DNAH14: variants seen among roughly 807,000 people sequenced by gnomAD.
The protein encoded by DNAH14 is dynein axonemal heavy chain 14, also known as axonemal beta dynein heavy chain 14.
A neutral mutation model predicts 520.9 loss-of-function variants in DNAH14; 478 were observed. The ratio of observed to expected loss-of-function variants is 0.92; its 90% CI spans 0.85 to 0.99. The LOEUF (loss-of-function observed/expected upper bound fraction) is 0.99. DNAH14 is among the 50% of genes least tolerant of loss of function. The pLI, the probability that DNAH14 is intolerant of heterozygous loss-of-function variation, is 0.00. For missense variants in DNAH14, 4,831 were observed against 5,234.5 expected, an observed-to-expected ratio of 0.92 and a Z score of 2.38; for synonymous variants, 1,581 against 1,757.2, an observed-to-expected ratio of 0.90 and a Z score of 2.51.
At chr1:225,163,810 G>A (rs551153258) in intron 35 of DNAH14, among the ~76,000 whole-genome samples, 2 of 152,108 alleles carry the variant, frequency 1.3e-5, no homozygotes, top group Admixed American at 1.3e-4. Context: ...TTGGCCTATA[G>A]TCTTCTTTTT....
chr1:225,318,800 G>A, intron 61 of DNAH14, 123 bp downstream of exon 61: 1 of 968,050 alleles, frequency 1.0e-6, no homozygotes, highest in Non-Finnish European at 1.5e-6. Context: ...CTTAATCTTG[G>A]TTTAAGATTT....
In DNAH14 at chr1:224,976,545, C is replaced by T. The variant is rs1203876924; in HGVS notation, c.830+2392C>T. Among the ~76,000 whole-genome samples, 3 of 152,216 alleles carry T rather than the reference C, an allele frequency of 2.0e-5. No homozygotes were observed. The South Asian group carries it at 6.2e-4, about 32-fold the overall frequency. ...CAAAAGAAACTACCATCAAAGTGAACAGGCAACCTACAAAATGGGAGAAAA... is the reference window on the plus strand; with the variant it reads ...CAAAAGAAACTACCATCAAAGTGAATAGGCAACCTACAAAATGGGAGAAAA... On this transcript the variant is annotated intron_variant, in intron 8 of 85. Transcript: ENST00000682510.
intron 17 of DNAH14, among the ~76,000 whole-genome samples, chr1:225,074,818 C>G (rs1037937190): frequency 6.6e-6 from 1 of 152,208 alleles, no homozygotes; most frequent in Non-Finnish European, 1.5e-5. Context: ...CCTGCCCCTC[C>G]TTCCAAGAGC....
At chr1:225,075,443 C>A (rs187838467) in intron 17 of DNAH14, among the ~76,000 whole-genome samples, 1 of 152,222 alleles carries the variant, frequency 6.6e-6, no homozygotes, top group African/African-American at 2.4e-5. Flanking sequence ...CTTGGCCACT[C>A]CCTCCAAATT....
intron 42 of DNAH14, among the ~76,000 whole-genome samples, chr1:225,234,199 T>TAAA (rs1224070175): frequency 6.6e-6 from 1 of 152,150 alleles, no homozygotes; most frequent in Admixed American, 6.5e-5. Flanking sequence ...AGCCTTGTAG[T>TAAA]ATAGTTTGAA....
intron 27 of DNAH14, among the ~76,000 whole-genome samples, chr1:225,139,746 G>A (rs575801836): frequency 6.6e-6 from 1 of 152,316 alleles, no homozygotes; most frequent in East Asian, 1.9e-4. Flanking sequence ...CCACCTGTTG[G>A]ATGTTCTCTC....
At chr1:225,352,017 G>A (rs2095371638) in intron 72 of DNAH14, 134 bp downstream of exon 72, 3 of 666,866 alleles carry the variant, frequency 4.5e-6, no homozygotes, top group East Asian at 5.5e-5. Context: ...TTTTCAGCAT[G>A]CACATGTTAT....
intron 73 of DNAH14, among the ~76,000 whole-genome samples, chr1:225,355,969 G>T (rs1008698392): frequency 6.6e-6 from 1 of 152,032 alleles, no homozygotes; most frequent in Non-Finnish European, 1.5e-5. Flanking sequence ...CTTATGTCTG[G>T]CTTATTTCAC....
intron 17 of DNAH14, among the ~76,000 whole-genome samples, chr1:225,071,394 G>T (rs1558860676): frequency 6.6e-6 from 1 of 152,154 alleles, no homozygotes; most frequent in South Asian, 2.1e-4. Context: ...AATTCTCTGA[G>T]CATTTGCTTG....
At chr1:225,290,139 CT>C (rs1362251293) in intron 55 of DNAH14, 57 bp downstream of exon 55, 2 of 1,209,142 alleles carry the variant, frequency 1.7e-6, no homozygotes, top group Admixed American at 3.7e-5. Context: ...TGGCTACCCC[CT>C]CCCCAAAAAT....
chr1:224,961,549 G>C (rs1342237873), intron 4 of DNAH14, among the ~76,000 whole-genome samples: 3 of 152,110 alleles, frequency 2.0e-5, no homozygotes, highest in Non-Finnish European at 4.4e-5. Flanking sequence ...TGGCAGGATG[G>C]AGTGAGTGCA....
At chr1:225,045,286 A>G (rs958864174) in intron 15 of DNAH14, among the ~76,000 whole-genome samples, 3 of 149,852 alleles carry the variant, frequency 2.0e-5, no homozygotes, top group Non-Finnish European at 4.4e-5. Context: ...TTAAGTTTCT[A>G]TAATGAGATA....
At chr1:225,157,886 C>T (rs759709469) in intron 34 of DNAH14, among the ~76,000 whole-genome samples, 21 of 152,260 alleles carry the variant, frequency 1.4e-4, no homozygotes, top group South Asian at 4.2e-4. Context: ...AATTCCAACC[C>T]GCTATAACTC....
rs2065890304 is a variant in DNAH14, at chr1:225,023,742, A to G, written c.1235A>G (p.Asp412Gly). The change falls in exon 11 of 86, where the codon GAC becomes GGC. Residue 412 changes from aspartate to glycine, a missense_variant. By Grantham distance (94) the Asp-to-Gly change is moderately conservative. Transcript: ENST00000682510. ...ETFFKFVMLV[D>G]YIFQELIRQL... ...TTTTTCAAGTTTGTAATGCTGGTTGACTACATATTTCAGGAACTCATTCGT... is the reference window on the plus strand; with the variant it reads ...TTTTTCAAGTTTGTAATGCTGGTTGGCTACATATTTCAGGAACTCATTCGT... 1 of 1,550,878 alleles carries G rather than the reference A, an allele frequency of 6.4e-7. No homozygotes were observed. Among genetic ancestry groups the G allele is most frequent in the Non-Finnish European group, 8.7e-7 (1 of 1,146,550 alleles).
intron 23 of DNAH14, among the ~76,000 whole-genome samples, chr1:225,105,100 G>A (rs2075905036): frequency 2.0e-5 from 3 of 152,194 alleles, no homozygotes; most frequent in Middle Eastern, 3.4e-3. Context: ...AGTTCTCATT[G>A]GTTTCAAAGA....
chr1:225,216,154 A>G (rs12742576), intron 41 of DNAH14, among the ~76,000 whole-genome samples: 19,405 of 152,130 alleles, frequency 0.13, 1,383 homozygotes, highest in East Asian at 0.31. Flanking sequence ...TTCACTTACG[A>G]AGCTTAGTTT....
chr1:225,273,998 C>A (rs1013523811), intron 52 of DNAH14, among the ~76,000 whole-genome samples: 1 of 151,994 alleles, frequency 6.6e-6, no homozygotes, highest in Non-Finnish European at 1.5e-5. Flanking sequence ...AACATGTGTG[C>A]GAGTGTGTCT....
At chr1:224,967,778 T>A (rs1230957562) in intron 6 of DNAH14, 195 bp downstream of exon 6, 14 of 1,460,448 alleles carry the variant, frequency 9.6e-6, no homozygotes, top group Non-Finnish European at 1.2e-5. Context: ...AGATTTAGGT[T>A]TGAAGATTCA....
intron 8 of DNAH14, among the ~76,000 whole-genome samples, chr1:224,976,428 C>T (rs1185604796): frequency 1.3e-5 from 2 of 152,066 alleles, no homozygotes; most frequent in Non-Finnish European, 2.9e-5. Context: ...TAGGCTTGGG[C>T]AAGGACTTCA....
Sources: gnomAD v4.1 joint callset for allele counts (sites outside exome capture counted in the v4.1 genomes callset) on GRCh38, gnomAD v4.1.1 for gene constraint, MANE v1.5 for transcripts, NCBI Gene and HGNC (gene_info 2026-07-23, HGNC 2026-07-21) for gene names.